The following RABGAP1 variants were observed in gnomAD, a reference collection of about 807,000 sequenced individuals.
RABGAP1 encodes RAB GTPase activating protein 1.
Under a neutral mutation model 137.6 loss-of-function variants are expected in RABGAP1, and 23 were observed. The ratio of observed to expected loss-of-function variants is 0.17; its 90% CI spans 0.12 to 0.24. The LOEUF is 0.24. Among genes scored for constraint, RABGAP1 ranks in the 10% least tolerant of loss-of-function variants. The pLI is 1.00. For synonymous variants in RABGAP1, 451 were observed against 450.7 expected, an observed-to-expected ratio of 1.00 and a Z score of -0.01; for missense variants, 906 against 1,275.8, an observed-to-expected ratio of 0.71 and a Z score of 4.42.
chr9:123,015,707 T>A, intron 12 of RABGAP1, 71 bp downstream of exon 12: 1 of 1,086,152 alleles, frequency 9.2e-7, no homozygotes, highest in Non-Finnish European at 1.3e-6. Flanking sequence ...TACCTAACTA[T>A]AATCAATTTT....
chr9:122,973,479 C>T (rs1296594765), intron 2 of RABGAP1, among the ~76,000 whole-genome samples: 9 of 152,084 alleles, frequency 5.9e-5, no homozygotes, highest in South Asian at 2.1e-4. Flanking sequence ...GTGATCCACC[C>T]GCCTCGGCCT....
Position 123,089,752 on chromosome 9 carries a change from C to T in RABGAP1, c.2425-6C>T. On this transcript the variant is annotated splice_polypyrimidine_tract_variant and splice_region_variant and intron_variant, in intron 19 of 25. Transcript: ENST00000373647. ...TTCTTAATTTACCCTATGATTTATC[C>T]TACAGATTAGTCAGAAGAAGTTGAA... is the stretch of plus-strand genomic sequence containing the variant. The T allele has an allele frequency of 6.2e-7, 1 of 1,606,418 alleles. No homozygotes were observed. Among genetic ancestry groups the T allele is most frequent in the Non-Finnish European group, 8.5e-7 (1 of 1,174,426 alleles).
chr9:122,933,426 A>G, the RABGAP1 span, among the ~76,000 whole-genome samples: 3 of 146,768 alleles, frequency 2.0e-5, no homozygotes, highest in Non-Finnish European at 3.0e-5. Context: ...TGCATGTTAT[A>G]TCTTTTTTCA....
intron 19 of RABGAP1, among the ~76,000 whole-genome samples, chr9:123,081,111 A>G (rs2034693038): frequency 6.6e-6 from 1 of 152,154 alleles, no homozygotes; most frequent in South Asian, 2.1e-4. Flanking sequence ...AATAGTAAAT[A>G]TATTTTCTCT....
At chr9:123,083,963 C>T (rs2034791735) in intron 19 of RABGAP1, among the ~76,000 whole-genome samples, 1 of 152,182 alleles carries the variant, frequency 6.6e-6, no homozygotes. Flanking sequence ...CTGAGCAGGC[C>T]ACAGAGATAA....
At chr9:123,073,400 A>G in intron 15 of RABGAP1, 152 bp from the exon 16 acceptor site, 1 of 923,528 alleles carries the variant, frequency 1.1e-6, no homozygotes, top group Non-Finnish European at 1.6e-6. Flanking sequence ...AATGTTTTAA[A>G]CACAACCTTA....
chr9:123,017,541 G>A (rs751929568), intron 12 of RABGAP1, among the ~76,000 whole-genome samples: 1 of 152,126 alleles, frequency 6.6e-6, no homozygotes, highest in Non-Finnish European at 1.5e-5. Context: ...TGGGTAAGAA[G>A]CATTGTAATA....
rs181390389 is a variant in RABGAP1, at chr9:123,040,246, T to G, written c.1794+19787T>G. Among the ~76,000 whole-genome samples the G allele has an allele frequency of 1.1e-4, 16 of 152,304 alleles. No individual in the cohort carries two copies. In the East Asian group the frequency reaches 2.7e-3, roughly 26 times the overall value. ...CTGGTGGGCCACCCCCACAGCACTGTTTTTTGTGGGGTACAATCATATGAT... is the reference window on the plus strand; with the variant it reads ...CTGGTGGGCCACCCCCACAGCACTGGTTTTTGTGGGGTACAATCATATGAT... On this transcript the variant is annotated intron_variant, in intron 13 of 25. Transcript: ENST00000373647.
chr9:122,942,180 AAAC>A (rs1833616782), intron 1 of RABGAP1, among the ~76,000 whole-genome samples: 1 of 152,268 alleles, frequency 6.6e-6, no homozygotes, highest in Non-Finnish European at 1.5e-5. Flanking sequence ...AAACAAAACA[AAAC>A]AAAAAAACAA....
intron 13 of RABGAP1, among the ~76,000 whole-genome samples, chr9:123,043,204 TAAAG>T (rs971000294): frequency 3.3e-5 from 5 of 151,984 alleles, no homozygotes; most frequent in African/African-American, 1.2e-4. Flanking sequence ...AGGAAATAAA[TAAAG>T]AGATACAGAA....
At chr9:123,064,563 A>G (rs913454382) in intron 13 of RABGAP1, among the ~76,000 whole-genome samples, 1 of 152,178 alleles carries the variant, frequency 6.6e-6, no homozygotes, top group Non-Finnish European at 1.5e-5. Context: ...AATCAACTCT[A>G]TTGTCTTAGC....
At chr9:123,098,217 T>C (rs1188297724) in intron 22 of RABGAP1, among the ~76,000 whole-genome samples, 1 of 152,250 alleles carries the variant, frequency 6.6e-6, no homozygotes, top group Non-Finnish European at 1.5e-5. Context: ...TCTGAGCCAG[T>C]GCTCCATAGT....
At chr9:122,949,718 A>G (rs1206903679) in intron 1 of RABGAP1, among the ~76,000 whole-genome samples, 1 of 151,694 alleles carries the variant, frequency 6.6e-6, no homozygotes, top group African/African-American at 2.4e-5. Context: ...AAAAGGAAAA[A>G]AAAAAAGTGT....
chr9:123,057,776 T>G (rs2033793903), intron 13 of RABGAP1, among the ~76,000 whole-genome samples: 1 of 152,018 alleles, frequency 6.6e-6, no homozygotes, highest in African/African-American at 2.4e-5. Context: ...GAGCACTGAG[T>G]GAACGAGACT....
intron 6 of RABGAP1, chr9:122,990,796 A>AAAAAAAATAT (rs1564384161): frequency 3.6e-5 from 1 of 27,762 alleles, no homozygotes; most frequent in African/African-American, 1.2e-4. Context: ...AAAAAAAAAA[A>AAAAAAAATAT]ATATATATAT....
intron 13 of RABGAP1, among the ~76,000 whole-genome samples, chr9:123,051,551 C>T (rs2033473243): frequency 6.7e-6 from 1 of 150,084 alleles, no homozygotes; most frequent in African/African-American, 2.4e-5. Context: ...CTGGCCTCAC[C>T]TTGGTTTTAT....
chr9:122,996,593 C>T lies in RABGAP1; in HGVS notation c.1089C>T (p.His363=). ...PGKDVRNSDM[H]LLDLESMGKS... ...AAGATGTACGAAATAGTGACATGCA[C>T]TTATTAGATTTGGTAAGAATTTATT... The change falls in exon 8 of 26, where the codon CAC becomes CAT. Residue 363 remains histidine, a synonymous_variant. Transcript: ENST00000373647. 1.2e-6 allele frequency: 2 copies of T among 1,602,876 alleles called. No homozygotes were observed. The highest frequency in any genetic ancestry group is 1.7e-4 in the Middle Eastern group (1 of 6,014).
At chr9:122,957,284 C>A in intron 2 of RABGAP1, 75 bp downstream of exon 2, 2 of 1,193,026 alleles carry the variant, frequency 1.7e-6, no homozygotes, top group Non-Finnish European at 2.2e-6. Flanking sequence ...TAACAGAAAA[C>A]AGATATGGGA....
At position 122,972,914 on chromosome 9, in the gene RABGAP1, T is replaced by C. The variant is rs530745101; in HGVS notation, c.151-11571T>C. Among the ~76,000 whole-genome samples, 6 of 151,556 alleles carry C rather than the reference T, an allele frequency of 4.0e-5. No homozygotes were observed. The East Asian group carries it at 9.7e-4, about 24-fold the overall frequency. ...ACTTGGGGAGGCCAAAGTGGGAGGA[T>C]TGGTTGAGCTCAGGAGTTGAGACCA... On this transcript the variant is annotated intron_variant, in intron 2 of 25. Coordinates refer to ENST00000373647, the MANE Select transcript of RABGAP1 (RefSeq NM_012197.4).
Sources: gnomAD v4.1 joint callset for allele counts (sites outside exome capture counted in the v4.1 genomes callset) on GRCh38, gnomAD v4.1.1 for gene constraint, MANE v1.5 for transcripts, NCBI Gene and HGNC (gene_info 2026-07-23, HGNC 2026-07-21) for gene names.